Variants in GNAQ observed in about 807,000 individuals in gnomAD.
GNAQ encodes guanine nucleotide-binding protein G(q) subunit alpha.
A neutral mutation model predicts 43.9 loss-of-function variants in GNAQ; 8 were observed. The observed-to-expected ratio is 0.18, with a 90% CI of 0.11 to 0.33. The LOEUF (loss-of-function observed/expected upper bound fraction) is 0.33, where lower values mean the gene tolerates loss of function less well. Among genes scored for constraint, GNAQ ranks in the 10% least tolerant of loss-of-function variants. The pLI is 1.00. For missense variants in GNAQ, 158 were observed against 450.8 expected (o/e 0.35, Z 5.88); for synonymous variants, 155 against 170.7 (o/e 0.91, Z 0.71).
At chr9:77,725,006 C>T (rs1297152173) in intron 6 of GNAQ, among the ~76,000 whole-genome samples, 1 of 151,896 alleles carries the variant, frequency 6.6e-6, no homozygotes, top group Non-Finnish European at 1.5e-5. Flanking sequence ...ATAAAAAGAA[C>T]ATTATATTTC....
At chr9:77,882,478 A>T (rs1828230433) in intron 2 of GNAQ, among the ~76,000 whole-genome samples, 1 of 152,228 alleles carries the variant, frequency 6.6e-6, no homozygotes, top group South Asian at 2.1e-4. Flanking sequence ...CAAGAATTTC[A>T]CCGCATCACT....
At chr9:77,934,445 G>A (rs376628711) in intron 1 of GNAQ, among the ~76,000 whole-genome samples, 10 of 151,470 alleles carry the variant, frequency 6.6e-5, no homozygotes, top group East Asian at 5.8e-4. Context: ...TTTTACTCAC[G>A]TGGCTCTTCA....
chr9:77,898,117 G>A (rs1828532930), intron 2 of GNAQ, among the ~76,000 whole-genome samples: 1 of 152,102 alleles, frequency 6.6e-6, no homozygotes, highest in South Asian at 2.1e-4. Context: ...ATTACCAAGA[G>A]GCCAACTGTT....
At chr9:77,798,607 T>C (rs1056694518) in intron 3 of GNAQ, among the ~76,000 whole-genome samples, 2 of 152,198 alleles carry the variant, frequency 1.3e-5, no homozygotes, top group African/African-American at 4.8e-5. Flanking sequence ...CATACCAAAA[T>C]CCCTGGATGC....
At chr9:77,784,968 C>T (rs555996448) in intron 5 of GNAQ, among the ~76,000 whole-genome samples, 2 of 152,314 alleles carry the variant, frequency 1.3e-5, no homozygotes, top group African/African-American at 4.8e-5. Context: ...TCAAATAGAA[C>T]ACATACACAC....
In GNAQ at chr9:77,807,505, G is replaced by A. The variant is rs890742539; in HGVS notation, c.476+8111C>T. 3.3e-5 allele frequency among the ~76,000 whole-genome samples: 5 copies of A among 152,214 alleles called. No homozygotes were observed. In the South Asian group the frequency reaches 1.0e-3, roughly 32 times the overall value. On this transcript the variant is annotated intron_variant, in intron 3 of 6. Transcript: ENST00000286548. ...TCAATGAACATTTCTGGTCATTCAT[G>A]CCATTTTTATGCCAGACATTCTTTG...
At chr9:77,915,146 T>G (rs1432682918) in intron 2 of GNAQ, among the ~76,000 whole-genome samples, 1 of 152,228 alleles carries the variant, frequency 6.6e-6, no homozygotes. Context: ...TAGCTTTATT[T>G]TAGCAAAAGT....
chr9:77,893,437 G>C (rs1828436466), intron 2 of GNAQ, among the ~76,000 whole-genome samples: 2 of 152,138 alleles, frequency 1.3e-5, no homozygotes, highest in Admixed American at 1.3e-4. Flanking sequence ...CTCAGTTCTG[G>C]GAATTGCCCA....
intron 2 of GNAQ, among the ~76,000 whole-genome samples, chr9:77,874,685 C>T (rs1406500554): frequency 1.3e-5 from 2 of 151,932 alleles, no homozygotes; most frequent in Admixed American, 6.6e-5. Context: ...AGTGTCATAG[C>T]GCGATCATGG....
Position 77,719,051 on chromosome 9 carries a change from C to T in GNAQ, c.*2272G>A, listed in dbSNP as rs1462806209. 1 of 231,052 alleles carries T rather than the reference C, an allele frequency of 4.3e-6. No homozygotes were observed. The highest frequency in any genetic ancestry group is 8.5e-6 in the Non-Finnish European group (1 of 117,272). 14.3% of individuals were successfully genotyped at this position (231,052 alleles called of 1,614,324 possible). ...TTTGGGTCTTATAATCAGTATACCT[C>T]TACTCAGGAATGTGCAAATGATTTT... is the stretch of plus-strand genomic sequence containing the variant. On this transcript the variant is annotated 3_prime_UTR_variant, in exon 7 of 7. Coordinates refer to ENST00000286548, the MANE Select transcript of GNAQ (RefSeq NM_002072.5).
At chr9:77,799,763 T>C (rs975369894) in intron 3 of GNAQ, among the ~76,000 whole-genome samples, 2 of 152,200 alleles carry the variant, frequency 1.3e-5, no homozygotes, top group Non-Finnish European at 2.9e-5. Flanking sequence ...AGCCCAGAAA[T>C]TCCTATTGCA....
Position 77,719,230 on chromosome 9 carries a change from C to T in GNAQ, c.*2093G>A, listed in dbSNP as rs919191910. 15 of 230,812 alleles carry T rather than the reference C, an allele frequency of 6.5e-5. No individual in the cohort carries two copies. The East Asian group carries it at 6.8e-4, about 10-fold the overall frequency. The allele number at this position is 230,812 out of a possible 1,614,324, so 14.3% of individuals were successfully genotyped here. A position where few individuals can be genotyped will look rare whatever the true frequency, so the allele number is the denominator to read the frequency against. ...GTAAATAAAATAACATTATTCAAAA[C>T]GTGAATTAGCTATAGACATACAATA... On this transcript the variant is annotated 3_prime_UTR_variant, in exon 7 of 7. Transcript: ENST00000286548.
Position 77,883,556 on chromosome 9 carries a change from CA to C in GNAQ, c.321+38604del, listed in dbSNP as rs1235256973. On this transcript the variant is annotated intron_variant, in intron 2 of 6. Transcript: ENST00000286548. Reference sequence around the variant, plus strand: ...TGCATGTTTTTACATGGGTATATGGCATACTGGCGGGGACTGGGCTTCTAGT... The same window carrying C: ...TGCATGTTTTTACATGGGTATATGGCTACTGGCGGGGACTGGGCTTCTAGT... Among the ~76,000 whole-genome samples, 10 of 151,492 alleles carry C rather than the reference CA, an allele frequency of 6.6e-5. No individual in the cohort carries two copies. In the South Asian group the frequency reaches 1.5e-3, roughly 22 times the overall value.
chr9:77,886,378 T>G (rs1828305627), intron 2 of GNAQ, among the ~76,000 whole-genome samples: 1 of 129,590 alleles, frequency 7.7e-6, no homozygotes, highest in South Asian at 2.7e-4. Context: ...AATTTAGAGC[T>G]ATGCTCTTAA....
chr9:77,820,936 A>C (rs1005641272), intron 2 of GNAQ, among the ~76,000 whole-genome samples: 1 of 152,206 alleles, frequency 6.6e-6, no homozygotes, highest in Admixed American at 6.5e-5. Flanking sequence ...TATAATTACT[A>C]TGAAATCTTG....
At chr9:77,940,623 G>A (rs1167098375) in intron 1 of GNAQ, among the ~76,000 whole-genome samples, 1 of 151,738 alleles carries the variant, frequency 6.6e-6, no homozygotes, top group Non-Finnish European at 1.5e-5. Flanking sequence ...TAACACATTG[G>A]GAGAAAGTAT....
At chr9:77,898,410 A>AT (rs1828538136) in intron 2 of GNAQ, among the ~76,000 whole-genome samples, 1 of 152,204 alleles carries the variant, frequency 6.6e-6, no homozygotes, top group Non-Finnish European at 1.5e-5. Flanking sequence ...GCTATTGCCT[A>AT]TTCAGAGTAT....
At chr9:77,775,576 A>T (rs960639827) in intron 5 of GNAQ, among the ~76,000 whole-genome samples, 4 of 150,312 alleles carry the variant, frequency 2.7e-5, no homozygotes, top group Non-Finnish European at 1.5e-5. Context: ...CGCCCAGCTA[A>T]ATTTTTTTTT....
chr9:77,791,389 A>G (rs553602406), intron 5 of GNAQ, among the ~76,000 whole-genome samples: 1 of 152,354 alleles, frequency 6.6e-6, no homozygotes, highest in South Asian at 2.1e-4. Flanking sequence ...GAGCACTGAA[A>G]TAACATACCC....
Sources: allele counts gnomAD v4.1 joint callset (sites outside exome capture counted in the v4.1 genomes callset), GRCh38; gene constraint gnomAD v4.1.1; transcripts MANE v1.5; gene names NCBI Gene and HGNC (gene_info 2026-07-23, HGNC 2026-07-21).